Variants in VPS41 observed in about 807,000 individuals in gnomAD.
VPS41 encodes vacuolar protein sorting-associated protein 41 homolog.
In VPS41, 85 loss-of-function variants were observed where a neutral mutation model predicts 130.9. That is an observed-to-expected ratio of 0.65 (90% CI 0.55 to 0.78). VPS41 has a LOEUF of 0.78. Among genes scored for constraint, VPS41 ranks in the 30% least tolerant of loss-of-function variants. VPS41 has a pLI of 0.00. For synonymous variants in VPS41, 335 were observed against 332.9 expected, an observed-to-expected ratio of 1.01 and a Z score of -0.07; for missense variants, 874 against 1,018.7, an observed-to-expected ratio of 0.86 and a Z score of 1.93.
At chr7:38,891,367 A>C (rs1475446845) in intron 2 of VPS41, among the ~76,000 whole-genome samples, 1 of 152,244 alleles carries the variant, frequency 6.6e-6, no homozygotes, top group African/African-American at 2.4e-5. Context: ...TCCCAGTGAT[A>C]ATATGGCCTT....
intron 18 of VPS41, 38 bp downstream of exon 18, chr7:38,758,316 A>C: frequency 6.4e-7 from 1 of 1,568,982 alleles, no homozygotes; most frequent in Non-Finnish European, 8.6e-7. Context: ...TTTTCAACAC[A>C]GACTGATATG....
Position 38,862,844 on chromosome 7 carries a change from T to C in VPS41, c.169-222A>G, listed in dbSNP as rs1786149293. On this transcript the variant is annotated intron_variant, in intron 3 of 28. Transcript: ENST00000310301. ...GCAAGCCAGCTGTCAGAATGACTCATGAGGACCCTCATCTACTGACAACTA... is the reference window on the plus strand; with the variant it reads ...GCAAGCCAGCTGTCAGAATGACTCACGAGGACCCTCATCTACTGACAACTA... Among the ~76,000 whole-genome samples the C allele has an allele frequency of 2.6e-5, 4 of 152,236 alleles. No homozygotes were observed. The South Asian group carries it at 8.3e-4, about 31-fold the overall frequency.
At chr7:38,869,360 T>C in intron 2 of VPS41, 107 bp from the exon 3 acceptor site, 1 of 708,484 alleles carries the variant, frequency 1.4e-6, no homozygotes, top group East Asian at 2.6e-5. Flanking sequence ...TTCAATGATG[T>C]TAATAATTCC....
At chr7:38,867,501 C>T (rs1434870915) in intron 3 of VPS41, among the ~76,000 whole-genome samples, 4 of 151,128 alleles carry the variant, frequency 2.6e-5, no homozygotes, top group East Asian at 1.9e-4. Context: ...GCCCAGATTG[C>T]GCCATTGCAC....
At chr7:38,744,572 T>C (rs930745164) in intron 23 of VPS41, among the ~76,000 whole-genome samples, 3 of 152,258 alleles carry the variant, frequency 2.0e-5, no homozygotes, top group Admixed American at 2.0e-4. Context: ...ATAAGTCCTC[T>C]ACTGCTTCTA....
chr7:38,869,105 G>C, intron 3 of VPS41, 41 bp downstream of exon 3: 2 of 1,455,196 alleles, frequency 1.4e-6, no homozygotes, highest in Non-Finnish European at 1.9e-6. Context: ...ATTTACAATG[G>C]AAACAATTTA....
chr7:38,885,289 G>A (rs1403206829), intron 2 of VPS41, among the ~76,000 whole-genome samples: 1 of 151,962 alleles, frequency 6.6e-6, no homozygotes, highest in Admixed American at 6.6e-5. Flanking sequence ...TAGCCAGGAC[G>A]GTCTCGATCT....
rs3801138 is a variant in VPS41 at position 38,803,875 on chromosome 7, G to A, written c.451-7011C>T. On this transcript the variant is annotated intron_variant, in intron 7 of 28. Coordinates refer to ENST00000310301, the MANE Select transcript of VPS41 (RefSeq NM_014396.4). ...GGCTTAGTGCCAAAGTTTCAAACAC[G>A]CAGCTTCTCTAAACACCACCAACAG... Among the ~76,000 whole-genome samples the A allele has an allele frequency of 6.0e-4, 91 of 152,288 alleles. 1 individual carries two copies. In the East Asian group the frequency reaches 0.016, roughly 26 times the overall value.
intron 4 of VPS41, among the ~76,000 whole-genome samples, chr7:38,856,119 A>G (rs965534764): frequency 7.2e-5 from 11 of 152,138 alleles, no homozygotes; most frequent in Non-Finnish European, 1.5e-4. Context: ...TCTCATCTTG[A>G]GGACTCCACC....
intron 4 of VPS41, among the ~76,000 whole-genome samples, chr7:38,861,285 T>C (rs1786105372): frequency 6.6e-6 from 1 of 152,050 alleles, no homozygotes; most frequent in Non-Finnish European, 1.5e-5. Context: ...GAGTAGGAAA[T>C]GTAAGAAACC....
intron 5 of VPS41, among the ~76,000 whole-genome samples, chr7:38,822,202 T>C (rs1252633234): frequency 6.6e-6 from 1 of 152,128 alleles, no homozygotes; most frequent in Non-Finnish European, 1.5e-5. Flanking sequence ...AAAACTGAAA[T>C]ATAAAACACA....
At chr7:38,861,701 A>G (rs1285171641) in intron 4 of VPS41, among the ~76,000 whole-genome samples, 1 of 152,222 alleles carries the variant, frequency 6.6e-6, no homozygotes, top group Non-Finnish European at 1.5e-5. Context: ...TCTTCAAAAA[A>G]GTAGTATTTG....
intron 10 of VPS41, among the ~76,000 whole-genome samples, chr7:38,785,765 G>C (rs1255372581): frequency 1.3e-5 from 2 of 152,186 alleles, no homozygotes; most frequent in East Asian, 3.9e-4. Flanking sequence ...CTTTTTAAAA[G>C]GGCTGAAAGA....
intron 17 of VPS41, among the ~76,000 whole-genome samples, chr7:38,760,627 T>C (rs1783890773): frequency 6.6e-6 from 1 of 152,042 alleles, no homozygotes; most frequent in African/African-American, 2.4e-5. Context: ...CCTTTAAATT[T>C]TGAAGTCCTC....
chr7:38,796,003 C>T (rs1784611258), intron 8 of VPS41, among the ~76,000 whole-genome samples: 1 of 152,126 alleles, frequency 6.6e-6, no homozygotes, highest in Non-Finnish European at 1.5e-5. Context: ...ATAAAGAAAA[C>T]TACATCTGAC....
At chr7:38,822,512 T>C (rs2116128953) in intron 5 of VPS41, among the ~76,000 whole-genome samples, 1 of 152,360 alleles carries the variant, frequency 6.6e-6, no homozygotes, top group African/African-American at 2.4e-5. Flanking sequence ...TAGAGGTTGC[T>C]TCTTTGCCAC....
rs900882181 is a variant in VPS41 at position 38,795,622 on chromosome 7, A to T, written c.571-11T>A. Reference sequence around the variant, plus strand: ...AAAAATCTTCACACCCTGGAAAATAATACAGCAGTAAGCATCCTCTACTCA... The same window carrying T: ...AAAAATCTTCACACCCTGGAAAATATTACAGCAGTAAGCATCCTCTACTCA... On this transcript the variant is annotated splice_polypyrimidine_tract_variant and intron_variant, in intron 8 of 28. Coordinates refer to ENST00000310301, the MANE Select transcript of VPS41 (RefSeq NM_014396.4). 6.2e-7 allele frequency: 1 copy of T among 1,609,158 alleles called. No homozygotes were observed. Among genetic ancestry groups the T allele is most frequent in the Non-Finnish European group, 8.5e-7 (1 of 1,177,344 alleles).
At chr7:38,902,764 T>A (rs1164768405) in intron 1 of VPS41, among the ~76,000 whole-genome samples, 1 of 152,222 alleles carries the variant, frequency 6.6e-6, no homozygotes, top group Non-Finnish European at 1.5e-5. Flanking sequence ...ACAGGCTCAG[T>A]GGGTCTCTCA....
chr7:38,733,028 A>G (rs2115569772), intron 25 of VPS41, among the ~76,000 whole-genome samples: 1 of 152,264 alleles, frequency 6.6e-6, no homozygotes, highest in East Asian at 1.9e-4. Context: ...GGTTTTCACC[A>G]TGTTGCTCAG....
Sources: allele counts gnomAD v4.1 joint callset (sites outside exome capture counted in the v4.1 genomes callset), GRCh38; gene constraint gnomAD v4.1.1; transcripts MANE v1.5; gene names NCBI Gene and HGNC (gene_info 2026-07-23, HGNC 2026-07-21).